Variants in ASH1L observed in about 807,000 individuals in gnomAD.
ASH1L encodes the protein ASH1 like histone lysine methyltransferase.
Under a neutral mutation model 269.0 loss-of-function variants are expected in ASH1L, and 23 were observed. The ratio of observed to expected loss-of-function variants is 0.09; its 90% CI spans 0.06 to 0.12. ASH1L has a LOEUF of 0.12. ASH1L is among the 10% of genes least tolerant of loss of function. The probability of loss-of-function intolerance (pLI) is 1.00; values close to 1 mark genes in which losing one functional copy is unlikely to be tolerated. For missense variants in ASH1L, 2,912 were observed against 3,567.8 expected (o/e 0.82, Z 4.68); for synonymous variants, 1,187 against 1,253.5 (o/e 0.95, Z 1.12).
At chr1:155,446,782 C>T (rs1257063946) in intron 4 of ASH1L, among the ~76,000 whole-genome samples, 2 of 151,896 alleles carry the variant, frequency 1.3e-5, no homozygotes, top group Admixed American at 6.6e-5. Context: ...CCACCGCGCC[C>T]GGCTAATTTT....
intron 1 of ASH1L, among the ~76,000 whole-genome samples, chr1:155,547,503 C>G (rs1670910642): frequency 6.6e-6 from 1 of 151,920 alleles, no homozygotes. Flanking sequence ...GCAGGCAGAT[C>G]ACCTGAGGTC....
intron 2 of ASH1L, among the ~76,000 whole-genome samples, chr1:155,515,762 A>C (rs1267922928): frequency 6.9e-6 from 1 of 145,530 alleles, no homozygotes; most frequent in East Asian, 2.2e-4. Flanking sequence ...CAGGAGGCGG[A>C]GGCTGCAGTG....
At position 155,479,468 on chromosome 1, in the gene ASH1L, T is replaced by C. The variant is rs772597930; in HGVS notation, c.3402A>G (p.Pro1134=). Residue 1134 remains proline, a synonymous_variant, in exon 3 of 28, where the codon CCA becomes CCG. Transcript: ENST00000392403. ...CCTGTCTGGAGTGTAAATGCAAATA[T>C]GGCACTGAACTGGGTTCAACAAAAC... ...DAGFVEPSSV[P]YLHLHSRQGS... is the part of the protein sequence containing the mutation. The C allele has an allele frequency of 1.1e-5, 17 of 1,614,064 alleles. No homozygotes were observed. The Admixed American group carries it at 2.0e-4, about 19-fold the overall frequency.
At chr1:155,498,671 A>G (rs1667311934) in intron 2 of ASH1L, among the ~76,000 whole-genome samples, 1 of 151,502 alleles carries the variant, frequency 6.6e-6, no homozygotes. Context: ...GAACTCCCGA[A>G]CTCAGGTAAT....
chr1:155,400,402 A>G (rs1261502503), intron 6 of ASH1L, among the ~76,000 whole-genome samples: 2 of 152,124 alleles, frequency 1.3e-5, no homozygotes, highest in Non-Finnish European at 2.9e-5. Context: ...CCAAGGTCAC[A>G]ATATAGTGAT....
At position 155,343,392 on chromosome 1, in the gene ASH1L, C is replaced by A; in HGVS notation, c.8215G>T (p.Val2739Leu). ...AAGGGAATGATCTCATAGAGTGGCA[C>A]CCGAAATAGTTCATTATGATAGAAC... ...RRFYHNELFR[V>L]PLYEIIPLEA... Residue 2739 changes from valine to leucine, a missense_variant, in exon 24 of 28, where the codon GTG (valine) becomes TTG (leucine). By Grantham distance (32) the Val-to-Leu change is conservative. Around this residue, in one of 13 missense-constraint regions of ASH1L, gnomAD observed 179 missense variants for 293.8 expected, o/e 0.61. Transcript: ENST00000392403. The surrounding 1 kb of genome is among the most constrained non-coding windows in gnomAD (Gnocchi z 6.1). 6.2e-7 allele frequency: 1 copy of A among 1,614,144 alleles called. No homozygotes were observed. The highest frequency in any genetic ancestry group is 8.5e-7 in the Non-Finnish European group (1 of 1,180,034).
chr1:155,370,539 G>A lies in ASH1L; in HGVS notation c.6651C>T (p.Asn2217=), dbSNP rs1420580262. 1 of 1,613,988 alleles carries A rather than the reference G, an allele frequency of 6.2e-7. No homozygotes were observed. Among genetic ancestry groups the A allele is most frequent in the African/African-American group, 1.3e-5 (1 of 74,900 alleles). ...TTTCACAATTTGGGTCACAGCTATG[G>A]TTGATGAATCGGGCCTCATTTCCCA... is the stretch of plus-strand genomic sequence containing the variant. ...YRMGNEARFI[N]HSCDPNCEMQ... is the part of the protein sequence containing the mutation. The change falls in exon 12 of 28, where the codon AAC becomes AAT. Residue 2217 remains asparagine (N), a synonymous_variant. Coordinates refer to ENST00000392403, the MANE Select transcript of ASH1L (RefSeq NM_018489.3).
intron 2 of ASH1L, among the ~76,000 whole-genome samples, 190 bp from the exon 3 acceptor site, chr1:155,482,639 T>C (rs1444984325): frequency 6.6e-6 from 1 of 152,234 alleles, no homozygotes; most frequent in Admixed American, 6.5e-5. Context: ...GAGGCTATCA[T>C]GGTATATTAT....
At chr1:155,528,038 A>G (rs1026532966) in intron 1 of ASH1L, among the ~76,000 whole-genome samples, 2 of 152,138 alleles carry the variant, frequency 1.3e-5, no homozygotes, top group South Asian at 2.1e-4. Context: ...TCTAACATTG[A>G]TGATTCACAA....
intron 1 of ASH1L, among the ~76,000 whole-genome samples, chr1:155,555,921 TG>T (rs11289393): frequency 0.54 from 81,827 of 152,016 alleles, 24,697 homozygotes; most frequent in Middle Eastern, 0.69. Flanking sequence ...ATACAATAAC[TG>T]GAAGATCTGC....
At chr1:155,498,639 C>G (rs938311982) in intron 2 of ASH1L, among the ~76,000 whole-genome samples, 3 of 151,998 alleles carry the variant, frequency 2.0e-5, no homozygotes, top group African/African-American at 7.3e-5. Flanking sequence ...TGGGGTTTCT[C>G]CATGTTGGTC....
intron 1 of ASH1L, among the ~76,000 whole-genome samples, chr1:155,524,306 G>A (rs1669085494): frequency 6.6e-6 from 1 of 151,166 alleles, no homozygotes; most frequent in South Asian, 2.1e-4. Flanking sequence ...CGGATCAGGA[G>A]GTCAGGAGAT....
At chr1:155,345,114 G>A (rs1224643586) in intron 21 of ASH1L, among the ~76,000 whole-genome samples, 5 of 147,400 alleles carry the variant, frequency 3.4e-5, no homozygotes, top group Non-Finnish European at 7.5e-5. Flanking sequence ...GCAACACCAC[G>A]CCCAGCTAAT....
In ASH1L at chr1:155,478,194, C is replaced by T. The variant is rs373611754; in HGVS notation, c.4676G>A (p.Arg1559Gln). The T allele has an allele frequency of 1.1e-5, 18 of 1,613,914 alleles. No individual in the cohort carries two copies. The highest frequency in any genetic ancestry group is 4.0e-5 in the African/African-American group (3 of 74,884). ...CAATGGACTAGATTCTGAAGGCTCT[C>T]GGTGGACCCACTGTTCCTCTCTGTT... is the stretch of plus-strand genomic sequence containing the variant. ...LINREEQWVH[R>Q]EPSESSPLAL... Residue 1559 changes from arginine to glutamine, a missense_variant, in exon 3 of 28, where the codon CGA (arginine) becomes CAA (glutamine). By Grantham distance (43) the Arg-to-Gln change is conservative (BLOSUM62 1). Around this residue, in one of 13 missense-constraint regions of ASH1L, gnomAD observed 789 missense variants for 897.6 expected, o/e 0.88. Coordinates refer to ENST00000392403, the MANE Select transcript of ASH1L (RefSeq NM_018489.3). The surrounding 1 kb of genome is among the most constrained non-coding windows in gnomAD (Gnocchi z 4.6).
chr1:155,517,346 A>C (rs944252378), intron 2 of ASH1L, among the ~76,000 whole-genome samples: 14 of 152,178 alleles, frequency 9.2e-5, no homozygotes, highest in South Asian at 6.2e-4. Flanking sequence ...AAAAACAAAC[A>C]GGAAGGGCAC....
chr1:155,351,421 C>T (rs527866024), intron 17 of ASH1L, among the ~76,000 whole-genome samples: 2 of 151,818 alleles, frequency 1.3e-5, no homozygotes, highest in Admixed American at 6.6e-5. Flanking sequence ...GGCATAGTGG[C>T]GCACACCTGG....
At chr1:155,465,681 CTT>C (rs1360899957) in intron 3 of ASH1L, among the ~76,000 whole-genome samples, 10 of 152,272 alleles carry the variant, frequency 6.6e-5, no homozygotes, top group South Asian at 2.1e-4. Context: ...AAAGATTTCT[CTT>C]CTTTCATTAT....
intron 25 of ASH1L, among the ~76,000 whole-genome samples, chr1:155,339,661 TATGTC>T (rs970181245): frequency 2.6e-4 from 39 of 152,242 alleles, no homozygotes; most frequent in African/African-American, 8.7e-4. Flanking sequence ...TTCTGAGAAA[TATGTC>T]ATCACGTGAT....
chr1:155,501,228 G>T (rs1247460827), intron 2 of ASH1L, among the ~76,000 whole-genome samples: 1 of 152,110 alleles, frequency 6.6e-6, no homozygotes, highest in East Asian at 1.9e-4. Flanking sequence ...CAGAAATGGG[G>T]TCTTGTTACG....
Sources: gnomAD v4.1 joint callset for allele counts (sites outside exome capture counted in the v4.1 genomes callset) on GRCh38, gnomAD v4.1.1 for gene constraint, gnomAD v4.1.1 regional missense constraint, Gnocchi (gnomAD v3.1) non-coding constraint, MANE v1.5 for transcripts, NCBI Gene and HGNC (gene_info 2026-07-23, HGNC 2026-07-21) for gene names.